Variants in HIVEP1 observed in about 807,000 individuals in gnomAD.
HIVEP1 encodes the protein HIVEP zinc finger 1.
A neutral mutation model predicts 180.0 loss-of-function variants in HIVEP1; 36 were observed. The observed-to-expected ratio is 0.20, with a 90% CI of 0.15 to 0.26. HIVEP1 has a LOEUF of 0.26. HIVEP1 is among the 10% of genes least tolerant of loss of function. The pLI is 1.00. For synonymous variants in HIVEP1, 1,239 were observed against 1,239.0 expected, an observed-to-expected ratio of 1.00 and a Z score of 0.00; for missense variants, 3,143 against 3,268.7, an observed-to-expected ratio of 0.96 and a Z score of 0.94.
chr6:12,074,104 A>G (rs959199013), intron 2 of HIVEP1, among the ~76,000 whole-genome samples: 3 of 152,168 alleles, frequency 2.0e-5, no homozygotes, highest in Non-Finnish European at 4.4e-5. Flanking sequence ...ATGCATGAAA[A>G]CATTTTATTT....
rs1279682789 is a variant in HIVEP1 at position 12,120,384 on chromosome 6, G to A, written c.589G>A (p.Asp197Asn). Residue 197 changes from aspartate (D) to asparagine (N), a missense_variant, in exon 4 of 9, where the codon GAT (aspartate) becomes AAT (asparagine). Asp to Asn is a conservative substitution (Grantham distance 23). This residue lies in a region of HIVEP1 where 306 missense variants were observed against 310.6 expected (regional missense o/e 0.99). Coordinates refer to ENST00000379388, the MANE Select transcript of HIVEP1 (RefSeq NM_002114.4). ...CCCCTCCTATACAAACACTGCATTC[G>A]ATGTCTTACTGAAAGCAATGGAGCC... ...TSPSYTNTAF[D>N]VLLKAMEPEL... 8 of 1,614,118 alleles carry A rather than the reference G, an allele frequency of 5.0e-6. No individual in the cohort carries two copies. The highest frequency in any genetic ancestry group is 1.7e-6 in the Non-Finnish European group (2 of 1,180,014).
chr6:12,077,238 A>G (rs367605496), intron 2 of HIVEP1, among the ~76,000 whole-genome samples: 56 of 152,292 alleles, frequency 3.7e-4, no homozygotes, highest in African/African-American at 1.3e-3. Flanking sequence ...AATGTGTCAT[A>G]TCAGATTAGG....
chr6:12,122,392 C>T lies in HIVEP1; in HGVS notation c.2597C>T (p.Ser866Leu). 1 of 1,614,112 alleles carries T rather than the reference C, an allele frequency of 6.2e-7. No homozygotes were observed. Among genetic ancestry groups the T allele is most frequent in the Non-Finnish European group, 8.5e-7 (1 of 1,179,948 alleles). ...CCTCATCCACTAAGAGGAAGTCAGT[C>T]ATTTGATGACAAAATTGGCGCTTTC... ...PPPHPLRGSQ[S>L]FDDKIGAFYD... Residue 866 changes from serine (S) to leucine (L), a missense_variant, in exon 4 of 9, where the codon TCA becomes TTA. By Grantham distance (145) the Ser-to-Leu change is moderately radical. Around this residue, in one of 12 missense-constraint regions of HIVEP1, gnomAD observed 204 missense variants for 243.7 expected, o/e 0.84. Coordinates refer to ENST00000379388, the MANE Select transcript of HIVEP1 (RefSeq NM_002114.4).
the HIVEP1 span, among the ~76,000 whole-genome samples, chr6:12,192,928 A>G: frequency 6.6e-6 from 1 of 152,130 alleles, no homozygotes; most frequent in Non-Finnish European, 1.5e-5. Context: ...TGTAACTTCA[A>G]ACAGTAAGCT....
chr6:12,048,836 T>G (rs904672415), intron 2 of HIVEP1, among the ~76,000 whole-genome samples: 6 of 152,108 alleles, frequency 3.9e-5, no homozygotes, highest in Admixed American at 1.3e-4. Flanking sequence ...TTGGGGACAG[T>G]TTTGTATTAT....
intron 2 of HIVEP1, among the ~76,000 whole-genome samples, chr6:12,082,549 T>G (rs1351688615): frequency 6.6e-6 from 1 of 152,288 alleles, no homozygotes; most frequent in East Asian, 1.9e-4. Flanking sequence ...CTACCAACTC[T>G]AGGCTATGGT....
intron 3 of HIVEP1, 82 bp from the exon 4 acceptor site, chr6:12,119,808 T>C (rs748238197): frequency 3.5e-6 from 3 of 849,678 alleles, no homozygotes; most frequent in Non-Finnish European, 5.5e-6. Context: ...GTCCTTATGA[T>C]AGTAATCTTA....
At chr6:12,105,132 A>G (rs1774348289) in intron 3 of HIVEP1, among the ~76,000 whole-genome samples, 1 of 152,204 alleles carries the variant, frequency 6.6e-6, no homozygotes, top group African/African-American at 2.4e-5. Flanking sequence ...CTGACAATCT[A>G]AGATTCATCT....
At chr6:12,141,567 G>A (rs748376403) in intron 7 of HIVEP1, among the ~76,000 whole-genome samples, 1 of 151,606 alleles carries the variant, frequency 6.6e-6, no homozygotes, top group Non-Finnish European at 1.5e-5. Flanking sequence ...AAAAGACACA[G>A]GCAAATTGGA....
At chr6:12,168,042 C>CT (rs1723530895), downstream of HIVEP1, among the ~76,000 whole-genome samples, 2 of 30,152 alleles carry the variant, frequency 6.6e-5, no homozygotes, top group African/African-American at 1.8e-4. Context: ...ATTATATATA[C>CT]ATATACATAT....
intron 2 of HIVEP1, among the ~76,000 whole-genome samples, chr6:12,050,254 C>T (rs1298347594): frequency 3.3e-5 from 5 of 152,170 alleles, no homozygotes; most frequent in African/African-American, 9.7e-5. Flanking sequence ...CTGTGAATAA[C>T]GAGAGTTCAT....
upstream of HIVEP1, chr6:12,012,144 GC>G (rs1767372072): frequency 7.4e-6 from 1 of 134,892 alleles, no homozygotes; most frequent in Admixed American, 7.2e-5. Flanking sequence ...CCCCAGCCCG[GC>G]TGCCCGGCTC....
Position 12,122,692 on chromosome 6 carries a change from A to G in HIVEP1, c.2897A>G (p.Asn966Ser). 2 of 1,614,208 alleles carry G rather than the reference A, an allele frequency of 1.2e-6. No individual in the cohort carries two copies. The highest frequency in any genetic ancestry group is 2.7e-5 in the African/African-American group (2 of 75,068). The change falls in exon 4 of 9, where the codon AAC becomes AGC. Residue 966 changes from asparagine to serine, a missense_variant. Physicochemically the swap from Asn to Ser is conservative, Grantham distance 46 (BLOSUM62 1). This residue lies in a region of HIVEP1 where 204 missense variants were observed against 243.7 expected (regional missense o/e 0.84). Coordinates refer to ENST00000379388, the MANE Select transcript of HIVEP1 (RefSeq NM_002114.4). ...GTMFECETCRNRYRKLENFEN... is the reference protein window; with the variant it reads ...GTMFECETCRSRYRKLENFEN... ...ATGTTTGAGTGTGAAACTTGTAGAAACAGGTATAGGAAACTGGAAAATTTT... is the reference window on the plus strand; with the variant it reads ...ATGTTTGAGTGTGAAACTTGTAGAAGCAGGTATAGGAAACTGGAAAATTTT...
intron 7 of HIVEP1, among the ~76,000 whole-genome samples, chr6:12,155,086 C>A (rs1312913620): frequency 6.6e-6 from 1 of 151,970 alleles, no homozygotes; most frequent in African/African-American, 2.4e-5. Context: ...ATCCGAGAAC[C>A]TTCTTTTCTA....
downstream of HIVEP1, among the ~76,000 whole-genome samples, chr6:12,167,908 C>T (rs184304359): frequency 8.7e-3 from 1,185 of 136,836 alleles, 25 homozygotes; most frequent in African/African-American, 0.031. Context: ...ATAATATATA[C>T]ACATGTACAT....
At chr6:12,092,934 T>A (rs998250654) in intron 3 of HIVEP1, among the ~76,000 whole-genome samples, 5 of 152,318 alleles carry the variant, frequency 3.3e-5, no homozygotes, top group South Asian at 4.1e-4. Context: ...ATCACCTGAT[T>A]GGCTGCAACT....
upstream of HIVEP1, chr6:12,008,176 G>A (rs1217694520): frequency 6.6e-6 from 1 of 152,242 alleles, no homozygotes; most frequent in African/African-American, 2.4e-5. Flanking sequence ...CATAACGTGA[G>A]GGGAAAGTGT....
intron 2 of HIVEP1, among the ~76,000 whole-genome samples, chr6:12,079,545 G>A (rs1761908878): frequency 1.3e-5 from 2 of 152,106 alleles, no homozygotes; most frequent in South Asian, 2.1e-4. Flanking sequence ...ATAAAATATT[G>A]CTTCGAAGAG....
intron 2 of HIVEP1, chr6:12,020,178 A>G (rs1768091998): frequency 2.5e-6 from 1 of 393,742 alleles, no homozygotes; most frequent in Non-Finnish European, 5.3e-6. Context: ...TGTTGAATTC[A>G]GTCTCTTCAC....
Sources: gnomAD v4.1 joint callset for allele counts (sites outside exome capture counted in the v4.1 genomes callset) on GRCh38, gnomAD v4.1.1 for gene constraint, gnomAD v4.1.1 regional missense constraint, MANE v1.5 for transcripts, NCBI Gene and HGNC (gene_info 2026-07-23, HGNC 2026-07-21) for gene names.